The following TMOD3 variants were observed in gnomAD, a reference collection of about 807,000 sequenced individuals.
TMOD3 encodes tropomodulin-3.
In TMOD3, 20 loss-of-function variants were observed where a neutral mutation model predicts 39.2. That is an observed-to-expected ratio of 0.51 (90% confidence interval 0.36 to 0.74). TMOD3 has a LOEUF of 0.74. TMOD3 is among the 30% of genes least tolerant of loss of function. The pLI is 0.00. For missense variants in TMOD3, 381 were observed against 412.8 expected, an observed-to-expected ratio of 0.92 and a Z score of 0.67; for synonymous variants, 143 against 145.8, an observed-to-expected ratio of 0.98 and a Z score of 0.14.
At chr15:51,830,404 A>T (rs115206906) in intron 1 of TMOD3, among the ~76,000 whole-genome samples, 1,997 of 152,064 alleles carry the variant, frequency 0.013, 48 homozygotes, top group African/African-American at 0.046. Context: ...TTTGTGTGTT[A>T]GTTTGTTTTG....
intron 1 of TMOD3, chr15:51,860,689 A>T: frequency 8.7e-6 from 4 of 459,252 alleles, no homozygotes; most frequent in Non-Finnish European, 1.7e-5. Context: ...TAGTCCCAGC[A>T]CTTTGGGAGG....
At position 51,834,455 on chromosome 15, in the gene TMOD3, T is replaced by G. The variant is rs1425758132; in HGVS notation, c.-75+4619T>G. 5.3e-5 allele frequency among the ~76,000 whole-genome samples: 8 copies of G among 152,312 alleles called. No individual in the cohort carries two copies. The East Asian group carries it at 1.5e-3, about 29-fold the overall frequency. On this transcript the variant is annotated intron_variant, in intron 1 of 9. Coordinates refer to ENST00000308580, the MANE Select transcript of TMOD3 (RefSeq NM_014547.5). ...TGATCTCAAAGTAATTATTATTGTG[T>G]TATGATATAAGATAGGAGTTTGGGT...
intron 3 of TMOD3, among the ~76,000 whole-genome samples, chr15:51,883,898 A>G (rs1343287818): frequency 6.6e-6 from 1 of 152,252 alleles, no homozygotes; most frequent in African/African-American, 2.4e-5. Context: ...CCTGAAATGT[A>G]TACCACTTTA....
intron 7 of TMOD3, among the ~76,000 whole-genome samples, chr15:51,897,657 G>A (rs2056627873): frequency 6.7e-6 from 1 of 149,904 alleles, no homozygotes; most frequent in Non-Finnish European, 1.5e-5. Flanking sequence ...GCTAATTTTT[G>A]TATTTATAGT....
intron 2 of TMOD3, among the ~76,000 whole-genome samples, chr15:51,868,237 T>A (rs1221688201): frequency 6.6e-6 from 1 of 152,250 alleles, no homozygotes; most frequent in Non-Finnish European, 1.5e-5. Context: ...TTTAAAACTC[T>A]TTTGTAATAG....
intron 1 of TMOD3, among the ~76,000 whole-genome samples, chr15:51,851,899 T>C (rs192290064): frequency 5.9e-5 from 9 of 152,272 alleles, no homozygotes; most frequent in Admixed American, 5.9e-4. Flanking sequence ...AGTCCTAGGC[T>C]GAGAGAGCTG....
chr15:51,882,372 A>G (rs1452752919), intron 3 of TMOD3, among the ~76,000 whole-genome samples: 2 of 151,648 alleles, frequency 1.3e-5, no homozygotes, highest in African/African-American at 4.8e-5. Flanking sequence ...AACCCCATCT[A>G]CTAGTAGTCC....
At chr15:51,830,118 G>T (rs2141661042) in intron 1 of TMOD3, among the ~76,000 whole-genome samples, 1 of 152,228 alleles carries the variant, frequency 6.6e-6, no homozygotes, top group African/African-American at 2.4e-5. Context: ...CCCGGGTTCG[G>T]GACCGGCCCC....
At chr15:51,864,214 C>T (rs1449035843) in intron 2 of TMOD3, among the ~76,000 whole-genome samples, 2 of 138,812 alleles carry the variant, frequency 1.4e-5, no homozygotes, top group Non-Finnish European at 3.0e-5. Context: ...TGCAGTGAGC[C>T]GAAATTGCAC....
At chr15:51,890,913 T>C (rs1595908019) in intron 5 of TMOD3, among the ~76,000 whole-genome samples, 1 of 152,362 alleles carries the variant, frequency 6.6e-6, no homozygotes, top group East Asian at 1.9e-4. Flanking sequence ...TTATTCATCT[T>C]CTGTCTCCCT....
intron 3 of TMOD3, among the ~76,000 whole-genome samples, chr15:51,874,863 C>A (rs577941855): frequency 6.6e-6 from 1 of 152,180 alleles, no homozygotes; most frequent in Non-Finnish European, 1.5e-5. Context: ...CTGACTCACC[C>A]GGTATGGGCT....
intron 3 of TMOD3, among the ~76,000 whole-genome samples, chr15:51,876,530 C>T (rs916046961): frequency 2.0e-5 from 3 of 148,168 alleles, no homozygotes; most frequent in African/African-American, 7.5e-5. Context: ...GGTGTGATCT[C>T]GGCTCACTGC....
chr15:51,838,078 A>T (rs1595889150), intron 1 of TMOD3, among the ~76,000 whole-genome samples: 1 of 152,160 alleles, frequency 6.6e-6, no homozygotes, highest in East Asian at 1.9e-4. Flanking sequence ...AGGCGTACTT[A>T]CTTCTGTGTA....
At chr15:51,885,287 T>A (rs1353936867) in intron 3 of TMOD3, among the ~76,000 whole-genome samples, 1 of 71,672 alleles carries the variant, frequency 1.4e-5, no homozygotes, top group Non-Finnish European at 3.4e-5. Context: ...CTTTTTTCTT[T>A]TTTTTTTTTT....
At chr15:51,852,242 C>G (rs2056365946) in intron 1 of TMOD3, among the ~76,000 whole-genome samples, 1 of 151,946 alleles carries the variant, frequency 6.6e-6, no homozygotes, top group South Asian at 2.1e-4. Flanking sequence ...ATCTTGAGAT[C>G]AAAAAAATTC....
At chr15:51,834,743 A>G (rs1286443368) in intron 1 of TMOD3, among the ~76,000 whole-genome samples, 1 of 152,114 alleles carries the variant, frequency 6.6e-6, no homozygotes, top group Non-Finnish European at 1.5e-5. Context: ...AGGCAGGAGG[A>G]TCATCTGAGG....
intron 3 of TMOD3, among the ~76,000 whole-genome samples, chr15:51,883,491 A>G: frequency 6.6e-6 from 1 of 152,190 alleles, no homozygotes. Flanking sequence ...TGTGTTGTTT[A>G]TAGTGTGTAA....
At chr15:51,898,903 G>A (rs1214423185) in intron 7 of TMOD3, 1 of 148,030 alleles carries the variant, frequency 6.8e-6, no homozygotes, top group Non-Finnish European at 1.5e-5. Flanking sequence ...TTTTTCACTT[G>A]TAGGCTTCTG....
Position 51,914,725 on chromosome 15 carries a change from A to G in TMOD3, c.*5915A>G, listed in dbSNP as rs933757180. ...TGTTTTGCTAACATAGCTGTAACAAATTATTAAGTTCTTTTTTTTTTTTAA... is the reference window on the plus strand; with the variant it reads ...TGTTTTGCTAACATAGCTGTAACAAGTTATTAAGTTCTTTTTTTTTTTTAA... On this transcript the variant is annotated 3_prime_UTR_variant, in exon 10 of 10. Transcript: ENST00000308580. 1 of 151,960 alleles carries G rather than the reference A, an allele frequency of 6.6e-6. No homozygotes were observed. The highest frequency in any genetic ancestry group is 6.6e-5 in the Admixed American group (1 of 15,238). The allele number at this position is 151,960 out of a possible 1,614,324, so 9.4% of individuals were successfully genotyped here. A position where few individuals can be genotyped will look rare whatever the true frequency, so the allele number is the denominator to read the frequency against.
Sources: allele counts gnomAD v4.1 joint callset (sites outside exome capture counted in the v4.1 genomes callset), GRCh38; gene constraint gnomAD v4.1.1; transcripts MANE v1.5; gene names NCBI Gene and HGNC (gene_info 2026-07-23, HGNC 2026-07-21).